The following UNC13B variants were observed in gnomAD, a reference collection of about 807,000 sequenced individuals.
UNC13B encodes the protein protein unc-13 homolog B.
UNC13B carries 144 observed loss-of-function variants against 211.0 expected under a neutral mutation model. The observed-to-expected ratio is 0.68, with a 90% CI of 0.60 to 0.78. The LOEUF (loss-of-function observed/expected upper bound fraction) is 0.78, where lower values mean the gene tolerates loss of function less well. Among genes scored for constraint, UNC13B ranks in the 30% least tolerant of loss-of-function variants. The pLI, the probability that UNC13B is intolerant of heterozygous loss-of-function variation, is 0.00. For missense variants in UNC13B, 1,777 were observed against 2,002.0 expected (o/e 0.89, Z 2.14); for synonymous variants, 709 against 725.8 (o/e 0.98, Z 0.37).
intron 7 of UNC13B, among the ~76,000 whole-genome samples, chr9:35,260,077 G>A (rs908732239): frequency 7.2e-6 from 1 of 139,494 alleles, no homozygotes; most frequent in Non-Finnish European, 1.5e-5. Context: ...AAGTGTGATG[G>A]CATGTGCCTG....
At chr9:35,317,500 T>A (rs1182846299) in intron 11 of UNC13B, among the ~76,000 whole-genome samples, 1 of 148,294 alleles carries the variant, frequency 6.7e-6, no homozygotes, top group Admixed American at 6.8e-5. Context: ...CGTGAGCCAC[T>A]GCATCTGGCT....
At chr9:35,401,219 C>A (rs1836278688) in intron 37 of UNC13B, among the ~76,000 whole-genome samples, 1 of 152,030 alleles carries the variant, frequency 6.6e-6, no homozygotes. Flanking sequence ...GGGAAGTTGG[C>A]GCTTAGGCAT....
intron 20 of UNC13B, 143 bp from the exon 21 acceptor site, chr9:35,382,214 T>A (rs1834893083): frequency 9.3e-7 from 1 of 1,076,186 alleles, no homozygotes; most frequent in African/African-American, 1.6e-5. Context: ...CCTAGAGCTG[T>A]GTGCAGAAAG....
Position 35,300,709 on chromosome 9 carries a change from G to C in UNC13B, c.1305G>C (p.Leu435=), listed in dbSNP as rs1829633908. ...MNCDAKTLGD[L]SECSIEEITP... is the part of the protein sequence containing the mutation. ...GTGATGCAAAAACACTTGGAGATCT[G>C]TCTGAGTGCTCTATAGAAGAGATAA... The change falls in exon 9 of 40, where the codon CTG becomes CTC. Residue 435 remains leucine (L), a synonymous_variant. Coordinates refer to ENST00000635942, the MANE Select transcript of UNC13B (RefSeq NM_001371189.2). 1 of 398,878 alleles carries C rather than the reference G, an allele frequency of 2.5e-6. No individual in the cohort carries two copies. The highest frequency in any genetic ancestry group is 2.1e-5 in the African/African-American group (1 of 48,618). 24.7% of individuals were successfully genotyped at this position (398,878 alleles called of 1,614,324 possible).
At chr9:35,399,569 T>G (rs978298506) in intron 35 of UNC13B, 80 bp from the exon 36 acceptor site, 2 of 1,598,294 alleles carry the variant, frequency 1.3e-6, no homozygotes, top group South Asian at 1.1e-5. Context: ...GAGATGAATA[T>G]GCACTGGGGG....
At chr9:35,213,230 T>G (rs1175288045) in intron 1 of UNC13B, among the ~76,000 whole-genome samples, 1 of 152,106 alleles carries the variant, frequency 6.6e-6, no homozygotes, top group Non-Finnish European at 1.5e-5. Flanking sequence ...TTGGAGGTCA[T>G]TTGGTTTAGA....
chr9:35,178,513 A>G (rs1327243967), intron 1 of UNC13B, among the ~76,000 whole-genome samples: 1 of 151,754 alleles, frequency 6.6e-6, no homozygotes, highest in Non-Finnish European at 1.5e-5. Context: ...AAAAGAACAA[A>G]CAAAAAAACA....
intron 11 of UNC13B, among the ~76,000 whole-genome samples, chr9:35,329,427 G>T (rs1256884593): frequency 1.3e-5 from 2 of 152,196 alleles, no homozygotes; most frequent in African/African-American, 2.4e-5. Context: ...AAGGAAAGAG[G>T]CCTTGGGAGA....
intron 1 of UNC13B, among the ~76,000 whole-genome samples, chr9:35,174,611 G>A (rs1441628032): frequency 2.6e-5 from 4 of 151,386 alleles, no homozygotes; most frequent in Non-Finnish European, 4.4e-5. Flanking sequence ...GCAGTGGCAC[G>A]ATCTTGGCTC....
Position 35,300,835 on chromosome 9 carries a change from AGAG to A in UNC13B, c.1435_1437del (p.Glu479del), listed in dbSNP as rs1829642418. ...TGTCAGAATATTTAGCAGAGAAGGA[AGAG>A]GAGATTAATAGATTTGGTTCACTTT... On this transcript the variant is annotated inframe_deletion, in exon 9 of 40. Coordinates refer to ENST00000635942, the MANE Select transcript of UNC13B (RefSeq NM_001371189.2). 2 of 398,852 alleles carry A rather than the reference AGAG, an allele frequency of 5.0e-6. No individual in the cohort carries two copies. Among genetic ancestry groups the A allele is most frequent in the East Asian group, 3.6e-5 (1 of 28,086 alleles). The allele number at this position is 398,852 out of a possible 1,614,324, so 24.7% of individuals were successfully genotyped here. A position where few individuals can be genotyped will look rare whatever the true frequency, so the allele number is the denominator to read the frequency against.
intron 1 of UNC13B, among the ~76,000 whole-genome samples, chr9:35,168,523 C>T (rs1821165226): frequency 6.6e-6 from 1 of 152,120 alleles, no homozygotes; most frequent in Non-Finnish European, 1.5e-5. Flanking sequence ...GGACCAAATG[C>T]CTCGGTGTCT....
chr9:35,226,903 A>G (rs555787422), intron 1 of UNC13B, among the ~76,000 whole-genome samples: 35 of 152,310 alleles, frequency 2.3e-4, no homozygotes, highest in Middle Eastern at 3.4e-3. Context: ...CACTCAATAG[A>G]GTGTCACATT....
At chr9:35,201,534 G>A (rs914613903) in intron 1 of UNC13B, among the ~76,000 whole-genome samples, 1 of 152,206 alleles carries the variant, frequency 6.6e-6, no homozygotes, top group Non-Finnish European at 1.5e-5. Flanking sequence ...GTCTATTCAG[G>A]GATTCAACTT....
intron 24 of UNC13B, 70 bp from the exon 25 acceptor site, chr9:35,389,776 C>A: frequency 2.0e-6 from 3 of 1,531,984 alleles, no homozygotes; most frequent in South Asian, 1.1e-5. Flanking sequence ...GAAAGAGGAT[C>A]GTTGGAGACA....
chr9:35,290,677 GTT>G (rs1829052908), intron 7 of UNC13B, among the ~76,000 whole-genome samples: 1 of 151,320 alleles, frequency 6.6e-6, no homozygotes, highest in South Asian at 2.1e-4. Context: ...ATAAGGAAGG[GTT>G]TCTTAGAGAC....
At chr9:35,318,815 C>T (rs1483014342) in intron 11 of UNC13B, among the ~76,000 whole-genome samples, 1 of 152,098 alleles carries the variant, frequency 6.6e-6, no homozygotes, top group Admixed American at 6.5e-5. Context: ...TAAATATTGC[C>T]AAATTGCCAT....
At chr9:35,277,647 A>G (rs1173687848) in intron 7 of UNC13B, among the ~76,000 whole-genome samples, 1 of 152,148 alleles carries the variant, frequency 6.6e-6, no homozygotes, top group Non-Finnish European at 1.5e-5. Context: ...GTGAGTAGCT[A>G]TGTAAACCAG....
At position 35,386,248 on chromosome 9, in the gene UNC13B, T is replaced by C. The variant is rs1835182722; in HGVS notation, c.11049T>C (p.Tyr3683=). 6.2e-7 allele frequency: 1 copy of C among 1,614,120 alleles called. No individual in the cohort carries two copies. The highest frequency in any genetic ancestry group is 8.5e-7 in the Non-Finnish European group (1 of 1,180,000). ...CCTGTTTGAACTCCACATATGAATA[T>C]ATCTTCAACAACTGCCACGACTTAT... ...VKACLNSTYE[Y]IFNNCHDLYS... Residue 3683 remains tyrosine (Y), a synonymous_variant, in exon 24 of 40, where the codon TAT becomes TAC. Transcript: ENST00000635942.
chr9:35,288,718 G>C (rs1328281993), intron 7 of UNC13B, among the ~76,000 whole-genome samples: 2 of 152,160 alleles, frequency 1.3e-5, no homozygotes, highest in Non-Finnish European at 2.9e-5. Context: ...CCAGTAGATG[G>C]GATCAGATTA....
Sources: gnomAD v4.1 joint callset for allele counts (sites outside exome capture counted in the v4.1 genomes callset) on GRCh38, gnomAD v4.1.1 for gene constraint, MANE v1.5 for transcripts, NCBI Gene and HGNC (gene_info 2026-07-23, HGNC 2026-07-21) for gene names.